Variants in CACNA2D4 observed in about 807,000 individuals in gnomAD.
CACNA2D4 encodes voltage-dependent calcium channel subunit alpha-2/delta-4.
A neutral mutation model predicts 163.8 loss-of-function variants in CACNA2D4; 157 were observed. That is an observed-to-expected ratio of 0.96 (90% CI 0.84 to 1.09). The LOEUF is 1.09. Ranked by LOEUF, CACNA2D4 falls within the 50% of genes least tolerant of loss-of-function variation. CACNA2D4 has a pLI of 0.00. For missense variants in CACNA2D4, 1,410 were observed against 1,479.9 expected (o/e 0.95, Z 0.78); for synonymous variants, 598 against 586.9 (o/e 1.02, Z -0.27).
chr12:1,861,305 G>A (rs1865520108), intron 18 of CACNA2D4, among the ~76,000 whole-genome samples: 2 of 152,176 alleles, frequency 1.3e-5, no homozygotes, highest in South Asian at 4.1e-4. Flanking sequence ...CCTCTGCCCA[G>A]TCAGACCCTC....
In CACNA2D4 at chr12:1,827,980, G is replaced by A. The variant is rs1864423255; in HGVS notation, c.2551+12759C>T. 6.3e-6 allele frequency: 3 copies of A among 477,566 alleles called. No individual in the cohort carries two copies. The Admixed American group carries it at 1.2e-4, about 19-fold the overall frequency. The allele number at this position is 477,566 out of a possible 1,614,324, so 29.6% of individuals were successfully genotyped here. On this transcript the variant is annotated intron_variant, in intron 26 of 37. Transcript: ENST00000382722. The stretch of plus-strand genomic sequence containing the variant: ...AACTGAGAGGAACAGGAGAGGGCAT[G>A]AGGAGTGTAAAGAGACACCCGGGCC...
intron 26 of CACNA2D4, among the ~76,000 whole-genome samples, chr12:1,812,843 G>A (rs1255981876): frequency 2.0e-5 from 3 of 152,194 alleles, no homozygotes; most frequent in Non-Finnish European, 2.9e-5. Flanking sequence ...GCTCAGGCTC[G>A]GGTTTCCTCA....
intron 13 of CACNA2D4, among the ~76,000 whole-genome samples, chr12:1,882,140 G>A (rs910109154): frequency 1.6e-4 from 24 of 152,340 alleles, no homozygotes; most frequent in African/African-American, 5.8e-4. Context: ...ATGAGGATGA[G>A]GGCCACATGG....
At position 1,795,747 on chromosome 12, in the gene CACNA2D4, G is replaced by A; in HGVS notation, c.3147C>T (p.Asn1049=). The A allele has an allele frequency of 6.2e-7, 1 of 1,613,352 alleles. No homozygotes were observed. The highest frequency in any genetic ancestry group is 8.5e-7 in the Non-Finnish European group (1 of 1,179,326). Reference sequence around the variant, plus strand: ...TGGGGTCTGTCACCAGGAGGAGGAGGTTACTGTTGGGAATCTGCTGCACCA... The same window carrying A: ...TGGGGTCTGTCACCAGGAGGAGGAGATTACTGTTGGGAATCTGCTGCACCA... ...VFVVQQIPNS[N]LLLLVTDPTC... The change falls in exon 36 of 38, where the codon AAC becomes AAT. Residue 1049 remains asparagine, a synonymous_variant. Transcript: ENST00000382722.
intron 6 of CACNA2D4, among the ~76,000 whole-genome samples, chr12:1,895,989 G>A (rs547387986): frequency 6.6e-6 from 1 of 152,030 alleles, no homozygotes; most frequent in Non-Finnish European, 1.5e-5. Flanking sequence ...AACAAGAAAA[G>A]AACAATCTGT....
intron 26 of CACNA2D4, among the ~76,000 whole-genome samples, chr12:1,826,413 C>G (rs1362672461): frequency 1.5e-5 from 2 of 135,476 alleles, no homozygotes; most frequent in African/African-American, 2.8e-5. Context: ...CCCCCCCCCC[C>G]CCCGCCAACT....
At chr12:1,867,253 C>T (rs1376721780) in intron 18 of CACNA2D4, among the ~76,000 whole-genome samples, 4 of 152,094 alleles carry the variant, frequency 2.6e-5, no homozygotes, top group African/African-American at 9.7e-5. Flanking sequence ...AAATTCAGGA[C>T]ATTTTTGACA....
intron 18 of CACNA2D4, among the ~76,000 whole-genome samples, chr12:1,873,808 C>T (rs1192453511): frequency 6.6e-6 from 1 of 152,310 alleles, no homozygotes; most frequent in African/African-American, 2.4e-5. Context: ...GCAGATGCCA[C>T]CAAAATCAGA....
rs1013490192 is a variant in CACNA2D4 at position 1,871,386 on chromosome 12, T to C, written c.1878+3218A>G. On this transcript the variant is annotated intron_variant, in intron 18 of 37. Coordinates refer to ENST00000382722, the MANE Select transcript of CACNA2D4 (RefSeq NM_172364.5). The stretch of plus-strand genomic sequence containing the variant: ...TACATGTGTGTGCTGCTGGTGTGTG[T>C]GTACACGTGCTGCTGGTGTGTGTAC... 3.3e-5 allele frequency among the ~76,000 whole-genome samples: 5 copies of C among 151,524 alleles called. No individual in the cohort carries two copies. In the East Asian group the frequency reaches 9.8e-4, roughly 30 times the overall value.
chr12:1,914,874 CTGAG>C lies in CACNA2D4; in HGVS notation c.285_288del (p.Tyr95Ter). ...CTGACCTTCTGCAGCAAGAGAGAGC[CTGAG>C]TATTTGGTCACAGTGTTATACAGGT... On this transcript the variant is annotated frameshift_variant, in exon 2 of 38. Coordinates refer to ENST00000382722, the MANE Select transcript of CACNA2D4 (RefSeq NM_172364.5). LOFTEE classifies it high-confidence loss of function. 1 of 1,613,552 alleles carries C rather than the reference CTGAG, an allele frequency of 6.2e-7. No individual in the cohort carries two copies. The highest frequency in any genetic ancestry group is 1.1e-5 in the South Asian group (1 of 91,078).
chr12:1,854,508 C>A (rs1055661206), intron 22 of CACNA2D4, among the ~76,000 whole-genome samples: 1 of 152,154 alleles, frequency 6.6e-6, no homozygotes, highest in Non-Finnish European at 1.5e-5. Flanking sequence ...CAGGTTTAAG[C>A]AATTCTCCTG....
rs1865093197 is a variant in CACNA2D4, at chr12:1,844,269, A to G, written c.2470+133T>C. 1.4e-5 allele frequency: 15 copies of G among 1,078,332 alleles called. No individual in the cohort carries two copies. In the South Asian group the frequency reaches 2.5e-4, roughly 18 times the overall value. 66.8% of individuals were successfully genotyped at this position (1,078,332 alleles called of 1,614,324 possible). A position where few individuals can be genotyped will look rare whatever the true frequency, so the allele number is the denominator to read the frequency against. On this transcript the variant is annotated intron_variant, in intron 25 of 37. Coordinates refer to ENST00000382722, the MANE Select transcript of CACNA2D4 (RefSeq NM_172364.5). This position sits in a 1 kb window ranked among gnomAD's most constrained non-coding sequence, Gnocchi z 4.2. ...CACTAATGCATGCAGGAGGGAAGGCAGGAGGGGAACCCTGGTGGTCTGGAC... is the reference window on the plus strand; with the variant it reads ...CACTAATGCATGCAGGAGGGAAGGCGGGAGGGGAACCCTGGTGGTCTGGAC...
chr12:1,818,693 G>A (rs1356882869), intron 26 of CACNA2D4, among the ~76,000 whole-genome samples: 1 of 148,824 alleles, frequency 6.7e-6, no homozygotes, highest in East Asian at 2.0e-4. Flanking sequence ...TTGTTTATCT[G>A]CTGACCTTCC....
chr12:1,850,960 G>T (rs1340339260), intron 23 of CACNA2D4, among the ~76,000 whole-genome samples: 2 of 151,914 alleles, frequency 1.3e-5, no homozygotes, highest in Admixed American at 1.3e-4. Flanking sequence ...ATGCCTCATT[G>T]CAGCCTCCAC....
chr12:1,797,770 G>A (rs749164984), intron 34 of CACNA2D4: 232 of 580,322 alleles, frequency 4.0e-4, no homozygotes, highest in Non-Finnish European at 6.4e-4. Flanking sequence ...CCTGAGCCTC[G>A]GTGGAGGGAA....
At chr12:1,795,112 A>G (rs964900293) in intron 37 of CACNA2D4, 187 bp downstream of exon 37, 3 of 603,334 alleles carry the variant, frequency 5.0e-6, no homozygotes, top group Non-Finnish European at 8.8e-6. Flanking sequence ...CAAAGACTAA[A>G]TAAAGATCTG....
At chr12:1,886,939 G>T in intron 7 of CACNA2D4, 70 bp downstream of exon 7, 1 of 1,113,744 alleles carries the variant, frequency 9.0e-7, no homozygotes, top group Non-Finnish European at 1.3e-6. Flanking sequence ...AAGTGGAGGA[G>T]GATGAGGCAA....
At chr12:1,877,612 T>C (rs1865908768) in intron 16 of CACNA2D4, among the ~76,000 whole-genome samples, 1 of 152,194 alleles carries the variant, frequency 6.6e-6, no homozygotes, top group Non-Finnish European at 1.5e-5. Context: ...AGGCCCTAAG[T>C]TCTCCGGAAG....
intron 24 of CACNA2D4, among the ~76,000 whole-genome samples, chr12:1,845,567 A>G (rs1463133181): frequency 6.6e-6 from 1 of 152,088 alleles, no homozygotes; most frequent in African/African-American, 2.4e-5. Context: ...GTGGGAGGCG[A>G]GGAGAGTAGG....
Sources: gnomAD v4.1 joint callset for allele counts (sites outside exome capture counted in the v4.1 genomes callset) on GRCh38, gnomAD v4.1.1 for gene constraint, Gnocchi (gnomAD v3.1) non-coding constraint, MANE v1.5 for transcripts, NCBI Gene and HGNC (gene_info 2026-07-23, HGNC 2026-07-21) for gene names.